Variants in ZNF135 observed in about 807,000 individuals in gnomAD.
ZNF135 encodes the protein zinc finger protein 135.
Under a neutral mutation model 12.3 loss-of-function variants are expected in ZNF135, and 11 were observed. The ratio of observed to expected loss-of-function variants is 0.89; its 90% CI spans 0.56 to 1.48. The LOEUF (loss-of-function observed/expected upper bound fraction) is 1.48. Among genes scored for constraint, ZNF135 ranks in the 40% most tolerant of loss-of-function variants. ZNF135 has a pLI of 0.00. For missense variants in ZNF135, 722 were observed against 815.7 expected (o/e 0.89, Z 1.40); for synonymous variants, 316 against 312.0 (o/e 1.01, Z -0.14).
In ZNF135 at chr19:58,059,975, GC is replaced by G; in HGVS notation, c.-26del. ...CACCTCCCCTTTCCCACAGAGCAGG[GC>G]CAGCCGTTCCTGCCAGAAGCCAGGG... is the stretch of plus-strand genomic sequence containing the variant. On this transcript the variant is annotated 5_prime_UTR_variant, in exon 2 of 5. Transcript: ENST00000313434. The surrounding 1 kb of genome is among the most constrained non-coding windows in gnomAD (Gnocchi z 6.5). 6.2e-7 allele frequency: 1 copy of G among 1,612,752 alleles called. No homozygotes were observed. Among genetic ancestry groups the G allele is most frequent in the South Asian group, 1.1e-5 (1 of 91,082 alleles).
intron 2 of ZNF135, among the ~76,000 whole-genome samples, chr19:58,061,132 G>GAAA (rs34300504): frequency 6.7e-6 from 1 of 148,172 alleles, no homozygotes. Context: ...CGTCTCGGGG[G>GAAA]AAAAAAAAAA....
rs144124287 is a variant in ZNF135, at chr19:58,060,444, G to T, written c.33+409G>T. The T allele has an allele frequency of 9.2e-4, 1,027 of 1,113,844 alleles. 9 individuals carry two copies. The African/African-American group carries it at 0.016, about 17-fold the overall frequency. The allele number at this position is 1,113,844 out of a possible 1,614,324, so 69.0% of individuals were successfully genotyped here. A position where few individuals can be genotyped will look rare whatever the true frequency, so the allele number is the denominator to read the frequency against. On this transcript the variant is annotated intron_variant, in intron 2 of 4. Coordinates refer to ENST00000313434, the MANE Select transcript of ZNF135 (RefSeq NM_001289401.2). The surrounding 1 kb of genome is among the most constrained non-coding windows in gnomAD (Gnocchi z 4.9). Reference sequence around the variant, plus strand: ...GTCTGAGTGGGCTTTATGTTTGTGCGGCCGTCATTGCATACCTGAGGCTGG... The same window carrying T: ...GTCTGAGTGGGCTTTATGTTTGTGCTGCCGTCATTGCATACCTGAGGCTGG...
At position 58,060,403 on chromosome 19, in the gene ZNF135, G is replaced by C. The variant is rs536591275; in HGVS notation, c.33+368G>C. ...ACCGCCCACGCCGCGCTGGAGGTCA[G>C]CGGGCACGGGTCCCTGTCTGAGTGG... On this transcript the variant is annotated intron_variant, in intron 2 of 4. Coordinates refer to ENST00000313434, the MANE Select transcript of ZNF135 (RefSeq NM_001289401.2). This position sits in a 1 kb window ranked among gnomAD's most constrained non-coding sequence, Gnocchi z 4.9. 20 of 1,202,064 alleles carry C rather than the reference G, an allele frequency of 1.7e-5. No individual in the cohort carries two copies. In the South Asian group the frequency reaches 3.6e-4, roughly 21 times the overall value. 74.5% of individuals were successfully genotyped at this position (1,202,064 alleles called of 1,614,324 possible). A position where few individuals can be genotyped will look rare whatever the true frequency, so the allele number is the denominator to read the frequency against.
chr19:58,068,034 C>T lies in ZNF135; in HGVS notation c.1550C>T (p.Thr517Ile). The T allele has an allele frequency of 6.2e-7, 1 of 1,614,152 alleles. No individual in the cohort carries two copies. Among genetic ancestry groups the T allele is most frequent in the African/African-American group, 1.3e-5 (1 of 75,042 alleles). The change falls in exon 5 of 5, where the codon ACT becomes ATT. Residue 517 changes from threonine (T) to isoleucine (I), a missense_variant. Transcript: ENST00000313434. ...CTCACCAAACATCAGCGAATCCACACTGGGGAGAAGCCCTACGAATGCAAC... is the reference window on the plus strand; with the variant it reads ...CTCACCAAACATCAGCGAATCCACATTGGGGAGAAGCCCTACGAATGCAAC... ...SSLTKHQRIH[T>I]GEKPYECNQC... is the part of the protein sequence containing the mutation.
chr19:58,060,457 T>C lies in ZNF135; in HGVS notation c.33+422T>C. On this transcript the variant is annotated intron_variant, in intron 2 of 4. Transcript: ENST00000313434. The surrounding 1 kb of genome is among the most constrained non-coding windows in gnomAD (Gnocchi z 4.9). ...TTATGTTTGTGCGGCCGTCATTGCA[T>C]ACCTGAGGCTGGGTGATGTCAGAAA... is the stretch of plus-strand genomic sequence containing the variant. 1 of 1,078,908 alleles carries C rather than the reference T, an allele frequency of 9.3e-7. No homozygotes were observed. Among genetic ancestry groups the C allele is most frequent in the African/African-American group, 1.7e-5 (1 of 59,514 alleles). The allele number at this position is 1,078,908 out of a possible 1,614,324, so 66.8% of individuals were successfully genotyped here.
rs2073943566 is a variant in ZNF135 at position 58,060,069 on chromosome 19, A to G, written c.33+34A>G. 6.2e-7 allele frequency: 1 copy of G among 1,611,150 alleles called. No homozygotes were observed. Among genetic ancestry groups the G allele is most frequent in the African/African-American group, 1.3e-5 (1 of 74,530 alleles). On this transcript the variant is annotated intron_variant, in intron 2 of 4. Transcript: ENST00000313434. The surrounding 1 kb of genome is among the most constrained non-coding windows in gnomAD (Gnocchi z 4.9). ...CTCGGCCTCCTTGCGCGTGTCCTCC[A>G]CCTCGTGCCCGGCCTCCTCGCGCGC...
At position 58,068,311 on chromosome 19, in the gene ZNF135, C is replaced by T. The variant is rs147006683; in HGVS notation, c.1827C>T (p.His609=). Residue 609 remains histidine, a synonymous_variant, in exon 5 of 5, where the codon CAC becomes CAT. Transcript: ENST00000313434. The part of the protein sequence containing the change: ...THTGEKPYEC[H]DCGKSFRQST... ...CTGGGGAAAAGCCCTATGAGTGTCA[C>T]GATTGCGGAAAGTCCTTTAGGCAGA... The T allele has an allele frequency of 1.1e-5, 17 of 1,613,674 alleles. No individual in the cohort carries two copies. Among genetic ancestry groups the T allele is most frequent in the Middle Eastern group, 1.6e-4 (1 of 6,078 alleles).
Position 58,068,311 on chromosome 19 carries a change from C to A in ZNF135, c.1827C>A (p.His609Gln), listed in dbSNP as rs147006683. The A allele has an allele frequency of 3.5e-3, 5,579 of 1,613,796 alleles. 30 individuals carry two copies. The highest frequency in any genetic ancestry group is 4.8e-3 in the Middle Eastern group (29 of 6,058). The change falls in exon 5 of 5, where the codon CAC (histidine) becomes CAA (glutamine). Residue 609 changes from histidine (H) to glutamine (Q), a missense_variant. His to Gln is a conservative substitution (Grantham distance 24). Transcript: ENST00000313434. ...CTGGGGAAAAGCCCTATGAGTGTCACGATTGCGGAAAGTCCTTTAGGCAGA... is the reference window on the plus strand; with the variant it reads ...CTGGGGAAAAGCCCTATGAGTGTCAAGATTGCGGAAAGTCCTTTAGGCAGA... Reference protein sequence around the residue: ...THTGEKPYECHDCGKSFRQST... With the variant: ...THTGEKPYECQDCGKSFRQST...
chr19:58,060,284 A>C lies in ZNF135; in HGVS notation c.33+249A>C. The C allele has an allele frequency of 1.5e-6, 2 of 1,374,478 alleles. No homozygotes were observed. Among genetic ancestry groups the C allele is most frequent in the Non-Finnish European group, 1.9e-6 (2 of 1,055,736 alleles). 85.1% of individuals were successfully genotyped at this position (1,374,478 alleles called of 1,614,324 possible). ...CTACTCGTGCCCGGCCTCTATTTGC[A>C]CATCTAGCCTCTACTCGTGTCCGGC... is the stretch of plus-strand genomic sequence containing the variant. On this transcript the variant is annotated intron_variant, in intron 2 of 4. Transcript: ENST00000313434. The surrounding 1 kb of genome is among the most constrained non-coding windows in gnomAD (Gnocchi z 4.9).
chr19:58,064,883 A>G (rs1340701712), intron 4 of ZNF135, among the ~76,000 whole-genome samples: 1 of 152,072 alleles, frequency 6.6e-6, no homozygotes, highest in Non-Finnish European at 1.5e-5. Context: ...GAGCAAGACC[A>G]TGTTTCAAAA....
rs1326943824 is a variant in ZNF135, at chr19:58,068,066, G to A, written c.1582G>A (p.Gly528Ser). Residue 528 changes from glycine (G) to serine (S), a missense_variant, in exon 5 of 5, where the codon GGC becomes AGC. Physicochemically the swap from Gly to Ser is moderately conservative, Grantham distance 56. Transcript: ENST00000313434. ...GEKPYECNQCGRAFSQLAPLI... is the reference protein window; with the variant it reads ...GEKPYECNQCSRAFSQLAPLI... ...GAAGCCCTACGAATGCAACCAGTGT[G>A]GCAGAGCCTTCAGCCAGCTTGCTCC... The A allele has an allele frequency of 6.2e-7, 1 of 1,614,124 alleles. No individual in the cohort carries two copies. Among genetic ancestry groups the A allele is most frequent in the Non-Finnish European group, 8.5e-7 (1 of 1,180,028 alleles).
Position 58,060,399 on chromosome 19 carries a change from GT to G in ZNF135, c.33+365del. On this transcript the variant is annotated intron_variant, in intron 2 of 4. Coordinates refer to ENST00000313434, the MANE Select transcript of ZNF135 (RefSeq NM_001289401.2). The surrounding 1 kb of genome is among the most constrained non-coding windows in gnomAD (Gnocchi z 4.9). Reference sequence around the variant, plus strand: ...AAGGACCGCCCACGCCGCGCTGGAGGTCAGCGGGCACGGGTCCCTGTCTGAG... The same window carrying G: ...AAGGACCGCCCACGCCGCGCTGGAGGCAGCGGGCACGGGTCCCTGTCTGAG... The G allele has an allele frequency of 8.2e-7, 1 of 1,212,424 alleles. No homozygotes were observed. Among genetic ancestry groups the G allele is most frequent in the South Asian group, 1.8e-5 (1 of 54,138 alleles). The allele number at this position is 1,212,424 out of a possible 1,614,324, so 75.1% of individuals were successfully genotyped here.
rs1199695022 is a variant in ZNF135 at position 58,067,184 on chromosome 19, C to T, written c.700C>T (p.Arg234Trp). The part of the protein sequence containing the change: ...SHSSALIEHH[R>W]THTGERPYEC... Reference sequence around the variant, plus strand: ...CAGCTCAGCACTTATCGAACACCACCGGACGCACACAGGAGAGAGACCTTA... The same window carrying T: ...CAGCTCAGCACTTATCGAACACCACTGGACGCACACAGGAGAGAGACCTTA... The change falls in exon 5 of 5, where the codon CGG (arginine) becomes TGG (tryptophan). Residue 234 changes from arginine (R) to tryptophan (W), a missense_variant. Arg to Trp is a moderately radical substitution (Grantham distance 101). Transcript: ENST00000313434. The T allele has an allele frequency of 4.2e-5, 67 of 1,614,038 alleles. 1 individual carries two copies. The East Asian group carries it at 8.9e-4, about 21-fold the overall frequency.
rs567071572 is a variant in ZNF135, at chr19:58,060,267, GC to G, written c.33+235del. ...CTACTGGTGCCCGGCCTCTACTCGT[GC>G]CCGGCCTCTATTTGCACATCTAGCC... On this transcript the variant is annotated intron_variant, in intron 2 of 4. Coordinates refer to ENST00000313434, the MANE Select transcript of ZNF135 (RefSeq NM_001289401.2). The surrounding 1 kb of genome is among the most constrained non-coding windows in gnomAD (Gnocchi z 4.9). 2.9e-3 allele frequency: 1,726 copies of G among 605,560 alleles called. 22 individuals are homozygous for G. The African/African-American group carries it at 0.035, about 12-fold the overall frequency. 37.5% of individuals were successfully genotyped at this position (605,560 alleles called of 1,614,324 possible).
intron 4 of ZNF135, among the ~76,000 whole-genome samples, chr19:58,064,934 C>T (rs138108525): frequency 1.3e-5 from 2 of 152,234 alleles, no homozygotes; most frequent in Non-Finnish European, 2.9e-5. Context: ...GTATGGTCAA[C>T]AATAAGCTAT....
At chr19:58,064,866 G>T (rs188639271) in intron 4 of ZNF135, among the ~76,000 whole-genome samples, 3 of 152,102 alleles carry the variant, frequency 2.0e-5, no homozygotes, top group African/African-American at 7.2e-5. Flanking sequence ...CTCCTGCCTG[G>T]GTGACAGAGC....
chr19:58,064,303 C>T (rs994999324), intron 4 of ZNF135, among the ~76,000 whole-genome samples: 6 of 152,102 alleles, frequency 3.9e-5, no homozygotes, highest in African/African-American at 1.4e-4. Flanking sequence ...ATTGCTCCTC[C>T]TGCAACCAGT....
chr19:58,063,323 C>T lies in ZNF135; in HGVS notation c.161-123C>T. The stretch of plus-strand genomic sequence containing the variant: ...GGAACATCCAGGGCTGTGGGTATGA[C>T]AGCTGAAGTCACTCAGGGGTCCCCA... On this transcript the variant is annotated intron_variant, in intron 3 of 4. Transcript: ENST00000313434. This position sits in a 1 kb window ranked among gnomAD's most constrained non-coding sequence, Gnocchi z 4.4. 2 of 1,470,706 alleles carry T rather than the reference C, an allele frequency of 1.4e-6. No homozygotes were observed. The highest frequency in any genetic ancestry group is 2.6e-5 in the South Asian group (2 of 77,164). 91.1% of individuals were successfully genotyped at this position (1,470,706 alleles called of 1,614,324 possible).
In ZNF135 at chr19:58,063,538, C is replaced by A; in HGVS notation, c.253C>A (p.Pro85Thr). 6.2e-7 allele frequency: 1 copy of A among 1,614,082 alleles called. No homozygotes were observed. Among genetic ancestry groups the A allele is most frequent in the East Asian group, 2.2e-5 (1 of 44,876 alleles). Reference sequence around the variant, plus strand: ...GTCTAGACTTCCCCAAGGCGTGTACCCAGGTGAGATGGGAGCCCTTCGGGG... The same window carrying A: ...GTCTAGACTTCCCCAAGGCGTGTACACAGGTGAGATGGGAGCCCTTCGGGG... Reference protein sequence around the residue: ...VESRLPQGVYPDLETRPKVKL... With the variant: ...VESRLPQGVYTDLETRPKVKL... The change falls in exon 4 of 5, where the codon CCA becomes ACA. Residue 85 changes from proline to threonine, a missense_variant. Pro to Thr is a conservative substitution (Grantham distance 38). Coordinates refer to ENST00000313434, the MANE Select transcript of ZNF135 (RefSeq NM_001289401.2). This position sits in a 1 kb window ranked among gnomAD's most constrained non-coding sequence, Gnocchi z 4.4.
Sources: allele counts gnomAD v4.1 joint callset (sites outside exome capture counted in the v4.1 genomes callset), GRCh38; gene constraint gnomAD v4.1.1; non-coding constraint Gnocchi (gnomAD v3.1); transcripts MANE v1.5; gene names NCBI Gene and HGNC (gene_info 2026-07-23, HGNC 2026-07-21).